Variants in KIF1A observed in about 807,000 individuals in gnomAD.
KIF1A encodes the protein kinesin family member 1A.
Under a neutral mutation model 227.3 loss-of-function variants are expected in KIF1A, and 46 were observed. That is an observed-to-expected ratio of 0.20 (90% CI 0.16 to 0.26). KIF1A has a LOEUF of 0.26. Among genes scored for constraint, KIF1A ranks in the 10% least tolerant of loss-of-function variants. The pLI, the probability that KIF1A is intolerant of heterozygous loss-of-function variation, is 1.00. For synonymous variants in KIF1A, 1,022 were observed against 1,012.8 expected, an observed-to-expected ratio of 1.01 and a Z score of -0.17; for missense variants, 1,683 against 2,485.9, an observed-to-expected ratio of 0.68 and a Z score of 6.87.
intron 37 of KIF1A, 137 bp from the exon 38 acceptor site, chr2:240,737,305 G>A (rs1408188237): frequency 1.4e-6 from 1 of 690,278 alleles, no homozygotes; most frequent in Non-Finnish European, 2.7e-6. Flanking sequence ...GCGGTGCCAG[G>A]GGGAACAGGG....
chr2:240,745,923 A>G lies in KIF1A; in HGVS notation c.3203-14T>C. ...CTGGGGGCACTGCTGCTGGGAGTCAAGGAGAGAGTCATGGACCTCCAGGCC... is the reference window on the plus strand; with the variant it reads ...CTGGGGGCACTGCTGCTGGGAGTCAGGGAGAGAGTCATGGACCTCCAGGCC... On this transcript the variant is annotated splice_polypyrimidine_tract_variant and intron_variant, in intron 30 of 48. Coordinates refer to ENST00000498729, the MANE Select transcript of KIF1A (RefSeq NM_001244008.2). The G allele has an allele frequency of 6.3e-7, 1 of 1,598,032 alleles. No homozygotes were observed. Among genetic ancestry groups the G allele is most frequent in the Admixed American group, 1.7e-5 (1 of 58,746 alleles).
At position 240,766,435 on chromosome 2, in the gene KIF1A, G is replaced by A. The variant is rs763638477; in HGVS notation, c.1684+480C>T. Among the ~76,000 whole-genome samples the A allele has an allele frequency of 9.2e-5, 14 of 152,296 alleles. No individual in the cohort carries two copies. Among genetic ancestry groups the A allele is most frequent in the Non-Finnish European group, 1.6e-4 (11 of 68,012 alleles). On this transcript the variant is annotated intron_variant, in intron 19 of 48. Coordinates refer to ENST00000498729, the MANE Select transcript of KIF1A (RefSeq NM_001244008.2). The surrounding 1 kb of genome is among the most constrained non-coding windows in gnomAD (Gnocchi z 5.0). Reference sequence around the variant, plus strand: ...AGGCAGGGGAAACGGACAGATGGCCGCCCACAGCCAACAGGAAACCAAGGT... The same window carrying A: ...AGGCAGGGGAAACGGACAGATGGCCACCCACAGCCAACAGGAAACCAAGGT...
intron 22 of KIF1A, 38 bp from the exon 23 acceptor site, chr2:240,762,850 A>C (rs1575589822): frequency 1.3e-6 from 2 of 1,538,360 alleles, no homozygotes; most frequent in Non-Finnish European, 1.8e-6. Flanking sequence ...CTACGGCCCT[A>C]CCTGCCTGGG....
chr2:240,759,771 C>T (rs1282181358), intron 25 of KIF1A, among the ~76,000 whole-genome samples: 1 of 152,142 alleles, frequency 6.6e-6, no homozygotes, highest in African/African-American at 2.4e-5. Flanking sequence ...CTTTGGGAGG[C>T]CAGGGTGCAA....
Position 240,765,735 on chromosome 2 carries a change from G to A in KIF1A, c.1743C>T (p.Val581=). 4 of 1,613,680 alleles carry A rather than the reference G, an allele frequency of 2.5e-6. No individual in the cohort carries two copies. The highest frequency in any genetic ancestry group is 1.1e-5 in the South Asian group (1 of 91,072). The part of the protein sequence containing the change: ...GADTYVNGKK[V]TEPSILRSGN... ...CTGAACGCAGGATGCTGGGCTCTGT[G>A]ACTTTCTTGCCATTGACGTAGGTGT... The change falls in exon 20 of 49, where the codon GTC becomes GTT. Residue 581 remains valine (V), a synonymous_variant. Coordinates refer to ENST00000498729, the MANE Select transcript of KIF1A (RefSeq NM_001244008.2).
chr2:240,789,129 C>A lies in KIF1A; in HGVS notation c.183+107G>T, dbSNP rs1057195922. ...CCAGGGGAGCAGGGTGGGGTCCTCG[C>A]CCCAGTTAGAGAGGAATGAGCGGCT... On this transcript the variant is annotated intron_variant, in intron 3 of 48. Coordinates refer to ENST00000498729, the MANE Select transcript of KIF1A (RefSeq NM_001244008.2). The surrounding 1 kb of genome is among the most constrained non-coding windows in gnomAD (Gnocchi z 4.8). 24 of 903,714 alleles carry A rather than the reference C, an allele frequency of 2.7e-5. No individual in the cohort carries two copies. Among genetic ancestry groups the A allele is most frequent in the African/African-American group, 4.9e-5 (3 of 61,060 alleles). The allele number at this position is 903,714 out of a possible 1,614,324, so 56.0% of individuals were successfully genotyped here.
chr2:240,760,585 G>C (rs1163965384), intron 25 of KIF1A, 80 bp downstream of exon 25: 1 of 1,166,830 alleles, frequency 8.6e-7, no homozygotes. Flanking sequence ...TGTGAAGCCT[G>C]TGCCTACCAC....
Position 240,734,804 on chromosome 2 carries a change from G to GC in KIF1A, c.4007+2258_4007+2259insG, listed in dbSNP as rs1387909240. 111 of 1,269,052 alleles carry GC rather than the reference G, an allele frequency of 8.7e-5. No homozygotes were observed. In the Middle Eastern group the frequency reaches 1.5e-3, roughly 17 times the overall value. 78.6% of individuals were successfully genotyped at this position (1,269,052 alleles called of 1,614,324 possible). ...GGCCGGGCAGCGCAGCGGGAGCGGG[G>GC]TGGGGGACAGGCAGAGGGAAGCGGC... On this transcript the variant is annotated intron_variant, in intron 38 of 48. Transcript: ENST00000498729.
Position 240,789,384 on chromosome 2 carries a change from G to C in KIF1A, c.107-72C>G, listed in dbSNP as rs2126099319. On this transcript the variant is annotated intron_variant, in intron 2 of 48. Coordinates refer to ENST00000498729, the MANE Select transcript of KIF1A (RefSeq NM_001244008.2). This position sits in a 1 kb window ranked among gnomAD's most constrained non-coding sequence, Gnocchi z 4.8. ...TGACTAGCTGGCATCTACACTCCAA[G>C]GTGGGGAGATGGTCTTAAGAGGCCT... is the stretch of plus-strand genomic sequence containing the variant. 1 of 1,305,584 alleles carries C rather than the reference G, an allele frequency of 7.7e-7. No individual in the cohort carries two copies. The highest frequency in any genetic ancestry group is 1.1e-6 in the Non-Finnish European group (1 of 901,144). 80.9% of individuals were successfully genotyped at this position (1,305,584 alleles called of 1,614,324 possible). A position where few individuals can be genotyped will look rare whatever the true frequency, so the allele number is the denominator to read the frequency against.
At chr2:240,749,720 A>T (rs573147855) in intron 28 of KIF1A, among the ~76,000 whole-genome samples, 7 of 142,036 alleles carry the variant, frequency 4.9e-5, no homozygotes, top group African/African-American at 1.8e-4. Context: ...TCCCGTTTAC[A>T]TGTGAGCAAA....
In KIF1A at chr2:240,741,310, C is replaced by T. The variant is rs1170758406; in HGVS notation, c.3708G>A (p.Leu1236=). 1.2e-6 allele frequency: 2 copies of T among 1,600,478 alleles called. No homozygotes were observed. Among genetic ancestry groups the T allele is most frequent in the Admixed American group, 1.7e-5 (1 of 58,966 alleles). ...GCTCACAGATCTCGAAGTAGACCAG[C>T]AGGTCGTACTTGCAGTGGCAGGGTC... ...CPGPCHCKYD[L]LVYFEICELE... Residue 1236 remains leucine (L), a synonymous_variant, in exon 35 of 49, where the codon CTG becomes CTA. Transcript: ENST00000498729.
rs772468593 is a variant in KIF1A at position 240,757,369 on chromosome 2, G to A, written c.2808C>T (p.Asp936=). 149 of 1,550,574 alleles carry A rather than the reference G, an allele frequency of 9.6e-5. 1 individual carries two copies. The highest frequency in any genetic ancestry group is 5.9e-5 in the Admixed American group (3 of 50,984). Residue 936 remains aspartate, a synonymous_variant, in exon 27 of 49, where the codon GAC becomes GAT. Transcript: ENST00000498729. This position sits in a 1 kb window ranked among gnomAD's most constrained non-coding sequence, Gnocchi z 6.2. Reference sequence around the variant, plus strand: ...GCCGGTCGTAAAACGGGTCCCGGCCGTCGCACAGCGCGTGCTCCGGAAAGA... The same window carrying A: ...GCCGGTCGTAAAACGGGTCCCGGCCATCGCACAGCGCGTGCTCCGGAAAGA... ...DDVFPEHALC[D]GRDPFYDRPP...
intron 37 of KIF1A, among the ~76,000 whole-genome samples, chr2:240,738,203 C>T (rs888735955): frequency 6.6e-6 from 1 of 152,240 alleles, no homozygotes; most frequent in African/African-American, 2.4e-5. Context: ...GTTTAGCCTG[C>T]TCTGCGTCTG....
chr2:240,719,744 G>A (rs754474100), intron 46 of KIF1A, 30 bp downstream of exon 46: 2 of 1,522,002 alleles, frequency 1.3e-6, no homozygotes, highest in Non-Finnish European at 1.8e-6. Context: ...CAGAGCTGGT[G>A]GCGGTGCTTT....
intron 38 of KIF1A, among the ~76,000 whole-genome samples, chr2:240,727,519 C>G (rs911368070): frequency 2.0e-5 from 3 of 152,238 alleles, no homozygotes; most frequent in African/African-American, 7.2e-5. Context: ...TGGACTCACC[C>G]TTGGTCCATT....
chr2:240,740,420 G>T lies in KIF1A; in HGVS notation c.3750-56C>A. 2 of 1,449,764 alleles carry T rather than the reference G, an allele frequency of 1.4e-6. No homozygotes were observed. Among genetic ancestry groups the T allele is most frequent in the East Asian group, 2.3e-5 (1 of 44,080 alleles). The allele number at this position is 1,449,764 out of a possible 1,614,324, so 89.8% of individuals were successfully genotyped here. ...CCAGCCCCTCCTCTCTGCCCTCCCC[G>T]CAGCACAGGACACAGTGGACGGGAG... On this transcript the variant is annotated intron_variant, in intron 35 of 48. Coordinates refer to ENST00000498729, the MANE Select transcript of KIF1A (RefSeq NM_001244008.2). This position sits in a 1 kb window ranked among gnomAD's most constrained non-coding sequence, Gnocchi z 6.1.
chr2:240,730,091 A>C (rs1575532882), intron 38 of KIF1A, among the ~76,000 whole-genome samples: 1 of 152,008 alleles, frequency 6.6e-6, no homozygotes, highest in Non-Finnish European at 1.5e-5. Flanking sequence ...CCCTGGCAAC[A>C]CTCCTTAGTC....
rs956606669 is a variant in KIF1A, at chr2:240,757,059, C to T, written c.2858+260G>A. 5.3e-5 allele frequency among the ~76,000 whole-genome samples: 8 copies of T among 152,228 alleles called. No individual in the cohort carries two copies. The highest frequency in any genetic ancestry group is 1.9e-4 in the African/African-American group (8 of 41,466). On this transcript the variant is annotated intron_variant, in intron 27 of 48. Transcript: ENST00000498729. The surrounding 1 kb of genome is among the most constrained non-coding windows in gnomAD (Gnocchi z 6.2). Reference sequence around the variant, plus strand: ...CCACAGCTGCAAGCTCCGGGGTGCACTACCTCTTCTGTACCTGGAACCCAG... The same window carrying T: ...CCACAGCTGCAAGCTCCGGGGTGCATTACCTCTTCTGTACCTGGAACCCAG...
chr2:240,759,701 A>G (rs942199360), intron 25 of KIF1A, among the ~76,000 whole-genome samples: 1 of 152,180 alleles, frequency 6.6e-6, no homozygotes. Flanking sequence ...ATGGTGACTC[A>G]GTCACCCCCG....
Sources: allele counts gnomAD v4.1 joint callset (sites outside exome capture counted in the v4.1 genomes callset), GRCh38; gene constraint gnomAD v4.1.1; non-coding constraint Gnocchi (gnomAD v3.1); transcripts MANE v1.5; gene names NCBI Gene and HGNC (gene_info 2026-07-23, HGNC 2026-07-21).